Variants in CRYL1 observed in about 807,000 individuals in gnomAD.
The protein encoded by CRYL1 is crystallin lambda 1.
CRYL1 carries 29 observed loss-of-function variants against 36.6 expected under a neutral mutation model. The observed-to-expected ratio is 0.79, with a 90% CI of 0.59 to 1.08. CRYL1 has a LOEUF of 1.08. Among genes scored for constraint, CRYL1 ranks in the 50% least tolerant of loss-of-function variants. The pLI, the probability that CRYL1 is intolerant of heterozygous loss-of-function variation, is 0.00. For synonymous variants in CRYL1, 152 were observed against 151.5 expected (o/e 1.00, Z -0.02); for missense variants, 411 against 407.9 (o/e 1.01, Z -0.06).
At chr13:20,490,664 TG>T (rs781367930) in intron 2 of CRYL1, among the ~76,000 whole-genome samples, 19 of 146,064 alleles carry the variant, frequency 1.3e-4, no homozygotes, top group East Asian at 2.2e-4. Context: ...GGGGATGGGG[TG>T]GGGGGGCATG....
intron 2 of CRYL1, among the ~76,000 whole-genome samples, chr13:20,506,806 C>T (rs2033802049): frequency 6.6e-6 from 1 of 152,126 alleles, no homozygotes; most frequent in African/African-American, 2.4e-5. Context: ...GCCCACAGGC[C>T]AAATCTGGCC....
At chr13:20,491,429 C>T (rs536770795) in intron 2 of CRYL1, among the ~76,000 whole-genome samples, 139 of 152,322 alleles carry the variant, frequency 9.1e-4, no homozygotes, top group African/African-American at 3.2e-3. Context: ...ATATCCTGGA[C>T]CACCATCCCC....
chr13:20,422,778 G>C (rs2031848730), intron 5 of CRYL1, among the ~76,000 whole-genome samples: 1 of 152,162 alleles, frequency 6.6e-6, no homozygotes, highest in African/African-American at 2.4e-5. Context: ...ATCTCGAGTG[G>C]TATCTACAGT....
Position 20,509,104 on chromosome 13 carries a change from G to A in CRYL1, c.149+3339C>T, listed in dbSNP as rs568344909. Among the ~76,000 whole-genome samples the A allele has an allele frequency of 4.5e-4, 68 of 150,204 alleles. 1 individual carries two copies. The highest frequency in any genetic ancestry group is 1.4e-3 in the African/African-American group (59 of 40,854). On this transcript the variant is annotated intron_variant, in intron 2 of 7. Transcript: ENST00000298248. ...AGCTAATTGGGAGGCCGAGACAGGCGAATTGCTTGAACCCAGGAGGCAGAG... is the reference window on the plus strand; with the variant it reads ...AGCTAATTGGGAGGCCGAGACAGGCAAATTGCTTGAACCCAGGAGGCAGAG...
At chr13:20,470,825 G>T (rs573009017) in intron 3 of CRYL1, among the ~76,000 whole-genome samples, 1 of 148,820 alleles carries the variant, frequency 6.7e-6, no homozygotes, top group Non-Finnish European at 1.5e-5. Context: ...CAGGAGAATC[G>T]CTTGAACCCA....
intron 3 of CRYL1, among the ~76,000 whole-genome samples, chr13:20,466,508 C>T (rs1296968000): frequency 6.6e-6 from 1 of 152,198 alleles, no homozygotes; most frequent in Non-Finnish European, 1.5e-5. Flanking sequence ...CATCCACACA[C>T]ACGCACGCAC....
intron 1 of CRYL1, among the ~76,000 whole-genome samples, chr13:20,520,683 T>C (rs1433044394): frequency 6.6e-6 from 1 of 151,860 alleles, no homozygotes; most frequent in Non-Finnish European, 1.5e-5. Context: ...GCCCACACAC[T>C]CAGTCATTGC....
intron 2 of CRYL1, among the ~76,000 whole-genome samples, chr13:20,501,390 C>A (rs1249444495): frequency 6.6e-6 from 1 of 152,214 alleles, no homozygotes; most frequent in Non-Finnish European, 1.5e-5. Flanking sequence ...GCACTGCTCA[C>A]TTATTTTCAC....
intron 2 of CRYL1, among the ~76,000 whole-genome samples, chr13:20,493,906 C>A (rs9509249): frequency 0.55 from 82,877 of 151,984 alleles, 22,932 homozygotes; most frequent in Non-Finnish European, 0.59. Context: ...TCTGTTTCTG[C>A]GACAAAGATG....
intron 3 of CRYL1, among the ~76,000 whole-genome samples, chr13:20,470,861 G>A (rs1213333092): frequency 7.2e-6 from 1 of 138,476 alleles, no homozygotes; most frequent in East Asian, 2.2e-4. Flanking sequence ...AGTGAGCTGA[G>A]ATCGTGCCAC....
chr13:20,426,512 C>T (rs1056735702), intron 5 of CRYL1, among the ~76,000 whole-genome samples: 5 of 152,074 alleles, frequency 3.3e-5, no homozygotes, highest in Admixed American at 1.3e-4. Context: ...TGAGAATCTC[C>T]AACTAAGCAG....
chr13:20,491,776 G>A (rs1377924163), intron 2 of CRYL1, among the ~76,000 whole-genome samples: 6 of 152,172 alleles, frequency 3.9e-5, no homozygotes, highest in Non-Finnish European at 5.9e-5. Context: ...GGATGACAGA[G>A]CGAGACCCTG....
At chr13:20,507,587 T>C (rs932417337) in intron 2 of CRYL1, among the ~76,000 whole-genome samples, 2 of 152,188 alleles carry the variant, frequency 1.3e-5, no homozygotes, top group African/African-American at 4.8e-5. Context: ...GCTCCAAACC[T>C]ACCTGTTGCA....
rs1462191616 is a variant in CRYL1, at chr13:20,525,657, C to A, written c.41+97G>T. The stretch of plus-strand genomic sequence containing the variant: ...GGACCGGAGGCCGGGGCGGGGACAG[C>A]GACCCGGCGCCCACCCCGAGGGCCC... On this transcript the variant is annotated intron_variant, in intron 1 of 7. Coordinates refer to ENST00000298248, the MANE Select transcript of CRYL1 (RefSeq NM_015974.3). This position sits in a 1 kb window ranked among gnomAD's most constrained non-coding sequence, Gnocchi z 4.3. 2 of 1,032,282 alleles carry A rather than the reference C, an allele frequency of 1.9e-6. No homozygotes were observed. Among genetic ancestry groups the A allele is most frequent in the Non-Finnish European group, 2.5e-6 (2 of 799,568 alleles). 63.9% of individuals were successfully genotyped at this position (1,032,282 alleles called of 1,614,324 possible).
chr13:20,509,799 A>G (rs7322760), intron 2 of CRYL1, among the ~76,000 whole-genome samples: 115,586 of 152,000 alleles, frequency 0.76, 44,497 homozygotes, highest in Admixed American at 0.84. Context: ...GCGTAGTGGC[A>G]GTCGCCTGTA....
At chr13:20,411,683 T>C (rs929526282) in intron 6 of CRYL1, among the ~76,000 whole-genome samples, 1 of 152,206 alleles carries the variant, frequency 6.6e-6, no homozygotes, top group Non-Finnish European at 1.5e-5. Context: ...GTGTTAATAA[T>C]ACAAGAAAAC....
At chr13:20,512,294 T>C (rs2033929326) in intron 2 of CRYL1, 149 bp downstream of exon 2, 4 of 587,732 alleles carry the variant, frequency 6.8e-6, no homozygotes, top group Non-Finnish European at 1.2e-5. Context: ...ACTGTAGGCC[T>C]GGCCTTTACC....
intron 1 of CRYL1, among the ~76,000 whole-genome samples, chr13:20,518,368 A>C (rs1467758183): frequency 6.6e-6 from 1 of 152,198 alleles, no homozygotes; most frequent in East Asian, 1.9e-4. Context: ...CAACGGAGGT[A>C]AGGGGCCAAG....
chr13:20,435,787 T>C lies in CRYL1; in HGVS notation c.439-3491A>G, dbSNP rs553217683. ...CATGTGACCGCGCCGACAGCGCGGC[T>C]GCCCACAGAGACTCCCTTCACCCCC... On this transcript the variant is annotated intron_variant, in intron 4 of 7. Coordinates refer to ENST00000298248, the MANE Select transcript of CRYL1 (RefSeq NM_015974.3). This position sits in a 1 kb window ranked among gnomAD's most constrained non-coding sequence, Gnocchi z 4.0. Among the ~76,000 whole-genome samples the C allele has an allele frequency of 1.3e-5, 2 of 152,306 alleles. No homozygotes were observed. The highest frequency in any genetic ancestry group is 4.8e-5 in the African/African-American group (2 of 41,586).
Sources: allele counts gnomAD v4.1 joint callset (sites outside exome capture counted in the v4.1 genomes callset), GRCh38; gene constraint gnomAD v4.1.1; non-coding constraint Gnocchi (gnomAD v3.1); transcripts MANE v1.5; gene names NCBI Gene and HGNC (gene_info 2026-07-23, HGNC 2026-07-21).